Variants in FSTL5 observed in about 807,000 individuals in gnomAD.
The protein encoded by FSTL5 is follistatin-related protein 5.
In FSTL5, 62 loss-of-function variants were observed where a neutral mutation model predicts 89.1. The observed-to-expected ratio is 0.70, with a 90% CI of 0.57 to 0.86. The LOEUF is 0.86. Among genes scored for constraint, FSTL5 ranks in the 40% least tolerant of loss-of-function variants. The probability of loss-of-function intolerance (pLI) is 0.00; values close to 1 mark genes in which losing one functional copy is unlikely to be tolerated. For missense variants in FSTL5, 1,057 were observed against 1,001.6 expected (o/e 1.06, Z -0.75); for synonymous variants, 383 against 346.2 (o/e 1.11, Z -1.18).
chr4:161,394,010 G>A lies in FSTL5; in HGVS notation c.1842-7561C>T, dbSNP rs187484163. 3.9e-5 allele frequency among the ~76,000 whole-genome samples: 6 copies of A among 152,272 alleles called. No individual in the cohort carries two copies. The East Asian group carries it at 7.7e-4, about 20-fold the overall frequency. ...GGAAACGCAAAACAGCAGTCACAGAGTTCCTTAGCTAAAGAGTGTGAAAAA... is the reference window on the plus strand; with the variant it reads ...GGAAACGCAAAACAGCAGTCACAGAATTCCTTAGCTAAAGAGTGTGAAAAA... On this transcript the variant is annotated intron_variant, in intron 15 of 15. Coordinates refer to ENST00000306100, the MANE Select transcript of FSTL5 (RefSeq NM_020116.5).
chr4:161,504,691 C>T (rs181171535), intron 11 of FSTL5, among the ~76,000 whole-genome samples: 16 of 151,894 alleles, frequency 1.1e-4, no homozygotes, highest in Non-Finnish European at 1.5e-4. Flanking sequence ...AGAAGTATTT[C>T]CCAGAGGATT....
At chr4:161,643,153 T>C (rs892704790) in intron 7 of FSTL5, among the ~76,000 whole-genome samples, 2 of 152,184 alleles carry the variant, frequency 1.3e-5, no homozygotes, top group Non-Finnish European at 2.9e-5. Flanking sequence ...GTTTTAAATA[T>C]AGATGTACAG....
At chr4:162,160,969 T>C (rs2110768038) in intron 1 of FSTL5, among the ~76,000 whole-genome samples, 1 of 152,060 alleles carries the variant, frequency 6.6e-6, no homozygotes, top group South Asian at 2.1e-4. Flanking sequence ...ATAAATTTCA[T>C]TTTTGACTCA....
At chr4:161,964,674 G>A (rs1052604285) in intron 3 of FSTL5, among the ~76,000 whole-genome samples, 4 of 151,852 alleles carry the variant, frequency 2.6e-5, no homozygotes, top group Non-Finnish European at 5.9e-5. Flanking sequence ...AAAACAGGTC[G>A]TATTTAATTT....
At chr4:161,592,053 T>C (rs1366636076) in intron 7 of FSTL5, among the ~76,000 whole-genome samples, 1 of 151,962 alleles carries the variant, frequency 6.6e-6, no homozygotes, top group East Asian at 1.9e-4. Flanking sequence ...GACAAAACGC[T>C]CAAAACAAAA....
chr4:161,501,539 T>C (rs778271545), intron 11 of FSTL5, among the ~76,000 whole-genome samples: 2 of 152,002 alleles, frequency 1.3e-5, no homozygotes, highest in Non-Finnish European at 2.9e-5. Context: ...TTTATAATAA[T>C]ACATATACAC....
chr4:161,850,072 C>T (rs1245529702), intron 4 of FSTL5, among the ~76,000 whole-genome samples: 1 of 151,484 alleles, frequency 6.6e-6, no homozygotes, highest in African/African-American at 2.4e-5. Flanking sequence ...GTATTTATAC[C>T]CTTTGAGGCC....
intron 2 of FSTL5, among the ~76,000 whole-genome samples, chr4:162,041,494 T>TATAA (rs777785338): frequency 6.6e-5 from 10 of 152,098 alleles, no homozygotes; most frequent in Non-Finnish European, 1.2e-4. Flanking sequence ...TATATATATA[T>TATAA]AACACAATCT....
intron 1 of FSTL5, among the ~76,000 whole-genome samples, chr4:162,117,371 TC>T (rs1288612285): frequency 6.6e-6 from 1 of 152,200 alleles, no homozygotes; most frequent in Non-Finnish European, 1.5e-5. Flanking sequence ...AATGGCATTT[TC>T]TTTTTGGAGA....
intron 1 of FSTL5, among the ~76,000 whole-genome samples, chr4:162,119,974 A>C (rs971266212): frequency 2.0e-5 from 3 of 152,122 alleles, no homozygotes; most frequent in Non-Finnish European, 4.4e-5. Context: ...TTTTCTTAGT[A>C]TGTGGGATAA....
chr4:162,086,330 TTTC>T (rs1392957862), intron 2 of FSTL5, among the ~76,000 whole-genome samples: 2 of 151,906 alleles, frequency 1.3e-5, no homozygotes, highest in Non-Finnish European at 2.9e-5. Context: ...TCTTCCTATC[TTTC>T]TTTATTTCAT....
chr4:161,690,623 A>G (rs1036790726), intron 6 of FSTL5, among the ~76,000 whole-genome samples: 6 of 152,162 alleles, frequency 3.9e-5, no homozygotes, highest in African/African-American at 1.4e-4. Flanking sequence ...TTGTCTTAAT[A>G]ACATTGGATC....
intron 8 of FSTL5, among the ~76,000 whole-genome samples, chr4:161,571,103 C>T (rs893703721): frequency 4.7e-5 from 7 of 150,374 alleles, no homozygotes; most frequent in East Asian, 2.0e-4. Flanking sequence ...AGCAAGACTC[C>T]GTTTAAAAAA....
chr4:162,090,697 T>G (rs1730515439), intron 2 of FSTL5, among the ~76,000 whole-genome samples: 1 of 151,984 alleles, frequency 6.6e-6, no homozygotes. Flanking sequence ...GGTGCACGCC[T>G]GTAATCCCAA....
intron 13 of FSTL5, among the ~76,000 whole-genome samples, chr4:161,477,788 G>A (rs1177375170): frequency 1.3e-5 from 2 of 151,342 alleles, no homozygotes; most frequent in Non-Finnish European, 3.0e-5. Context: ...AGAAATACAG[G>A]GTTAGTATAA....
rs150316092 is a variant in FSTL5 at position 161,686,986 on chromosome 4, G to A, written c.728-30492C>T. Among the ~76,000 whole-genome samples the A allele has an allele frequency of 1.3e-3, 193 of 152,010 alleles. 1 individual carries two copies. Among genetic ancestry groups the A allele is most frequent in the African/African-American group, 4.1e-3 (168 of 41,454 alleles). The stretch of plus-strand genomic sequence containing the variant: ...TTTCTCTGGCTCCTGCCGACATTGC[G>A]TATTATCATGAAACAAAAAACACAC... On this transcript the variant is annotated intron_variant, in intron 6 of 15. Coordinates refer to ENST00000306100, the MANE Select transcript of FSTL5 (RefSeq NM_020116.5).
At chr4:162,089,773 T>C (rs1730471477) in intron 2 of FSTL5, among the ~76,000 whole-genome samples, 1 of 151,912 alleles carries the variant, frequency 6.6e-6, no homozygotes, top group African/African-American at 2.4e-5. Flanking sequence ...CTGTGCAAAA[T>C]GGCTAGTCTT....
chr4:161,457,489 T>C (rs17339031), intron 14 of FSTL5, among the ~76,000 whole-genome samples: 7,750 of 152,220 alleles, frequency 0.051, 206 homozygotes, highest in Admixed American at 0.054. Context: ...GTTTTCTGTG[T>C]ACAATGTCAA....
intron 6 of FSTL5, among the ~76,000 whole-genome samples, chr4:161,749,613 C>T (rs1388977092): frequency 1.3e-5 from 2 of 151,588 alleles, no homozygotes; most frequent in East Asian, 2.0e-4. Flanking sequence ...CTAGCTAACA[C>T]GGTGAAACCC....
Sources: gnomAD v4.1 joint callset for allele counts (sites outside exome capture counted in the v4.1 genomes callset) on GRCh38, gnomAD v4.1.1 for gene constraint, MANE v1.5 for transcripts, NCBI Gene and HGNC (gene_info 2026-07-23, HGNC 2026-07-21) for gene names.